The following FSTL1 variants were observed in gnomAD, a reference collection of about 807,000 sequenced individuals.
The protein encoded by FSTL1 is follistatin like 1.
A neutral mutation model predicts 45.9 loss-of-function variants in FSTL1; 24 were observed. That is an observed-to-expected ratio of 0.52 (90% confidence interval 0.38 to 0.74). The LOEUF is 0.74. FSTL1 is among the 30% of genes least tolerant of loss of function. The pLI, the probability that FSTL1 is intolerant of heterozygous loss-of-function variation, is 0.00. For synonymous variants in FSTL1, 120 were observed against 137.6 expected (o/e 0.87, Z 0.89); for missense variants, 340 against 381.8 (o/e 0.89, Z 0.91).
At chr3:120,422,627 A>G (rs1559740060) in intron 2 of FSTL1, among the ~76,000 whole-genome samples, 1 of 152,204 alleles carries the variant, frequency 6.6e-6, no homozygotes, top group Admixed American at 6.5e-5. Flanking sequence ...ACATCCAGAT[A>G]AGAGATATAT....
At position 120,437,564 on chromosome 3, in the gene FSTL1, CTATT is replaced by C. The variant is rs1937584021; in HGVS notation, c.63+13116_63+13119del. Among the ~76,000 whole-genome samples, 5 of 152,242 alleles carry C rather than the reference CTATT, an allele frequency of 3.3e-5. No homozygotes were observed. The East Asian group carries it at 9.7e-4, about 29-fold the overall frequency. ...CTAGTGGTGAAATTTAAGTCAGTGT[CTATT>C]TGTGTGTGTGTGTGCATGTCTCCTT... On this transcript the variant is annotated intron_variant, in intron 2 of 10. Coordinates refer to ENST00000295633, the MANE Select transcript of FSTL1 (RefSeq NM_007085.5).
At chr3:120,426,598 C>T (rs1937383894) in intron 2 of FSTL1, among the ~76,000 whole-genome samples, 2 of 152,092 alleles carry the variant, frequency 1.3e-5, no homozygotes, top group South Asian at 4.2e-4. Context: ...TGCTTGCTTC[C>T]CTGAGCTGGA....
chr3:120,400,265 C>T (rs2107648965), intron 9 of FSTL1, among the ~76,000 whole-genome samples: 1 of 152,328 alleles, frequency 6.6e-6, no homozygotes, highest in Non-Finnish European at 1.5e-5. Context: ...TGGATCCTGA[C>T]ACTGGAGATT....
chr3:120,439,516 G>A (rs1312785537), intron 2 of FSTL1, among the ~76,000 whole-genome samples: 1 of 152,198 alleles, frequency 6.6e-6, no homozygotes, highest in African/African-American at 2.4e-5. Context: ...GAGTCTAAAT[G>A]AAATCAACTT....
At chr3:120,414,224 GTC>G (rs1293082665) in intron 3 of FSTL1, among the ~76,000 whole-genome samples, 2 of 152,160 alleles carry the variant, frequency 1.3e-5, no homozygotes, top group East Asian at 1.9e-4. Context: ...AGTGAGGAGC[GTC>G]TCTGCCTGGC....
Position 120,392,623 on chromosome 3 carries a change from G to C in FSTL1, c.*4329C>G, listed in dbSNP as rs990024953. 2.6e-5 allele frequency: 4 copies of C among 152,126 alleles called. No individual in the cohort carries two copies. The highest frequency in any genetic ancestry group is 9.7e-5 in the African/African-American group (4 of 41,416). 9.4% of individuals were successfully genotyped at this position (152,126 alleles called of 1,614,324 possible). On this transcript the variant is annotated 3_prime_UTR_variant, in exon 11 of 11. Transcript: ENST00000295633. ...TTTCAGTAAAAAAGTTAAATCATTA[G>C]GAAAACATTAATTCTCATTGACAGG...
rs751235378 is a variant in FSTL1 at position 120,404,861 on chromosome 3, CTTG to C, written c.570_572del (p.Asn190del). 9.2e-6 allele frequency: 14 copies of C among 1,515,770 alleles called. No homozygotes were observed. The highest frequency in any genetic ancestry group is 1.7e-4 in the Middle Eastern group (1 of 5,936). 93.9% of individuals were successfully genotyped at this position (1,515,770 alleles called of 1,614,324 possible). Reference sequence around the variant, plus strand: ...CTCTCGGTTCCTCTCACCTAAGCAACTTGTTGTTCTCCTGGTCTGGATACGTTG... The same window carrying C: ...CTCTCGGTTCCTCTCACCTAAGCAACTTGTTCTCCTGGTCTGGATACGTTG... On this transcript the variant is annotated inframe_deletion, in exon 7 of 11. Transcript: ENST00000295633.
intron 9 of FSTL1, among the ~76,000 whole-genome samples, chr3:120,400,900 A>G (rs1410413857): frequency 6.6e-6 from 1 of 152,156 alleles, no homozygotes; most frequent in Middle Eastern, 3.2e-3. Flanking sequence ...ACCCACATAG[A>G]GTTCTGGACT....
chr3:120,428,854 T>C (rs2107665049), intron 2 of FSTL1, among the ~76,000 whole-genome samples: 1 of 152,350 alleles, frequency 6.6e-6, no homozygotes, highest in Non-Finnish European at 1.5e-5. Context: ...CTGGCAATTA[T>C]TCTCTAGCCT....
At chr3:120,438,050 T>A (rs980800828) in intron 2 of FSTL1, among the ~76,000 whole-genome samples, 14 of 152,104 alleles carry the variant, frequency 9.2e-5, no homozygotes, top group African/African-American at 2.9e-4. Flanking sequence ...GGCAACATGA[T>A]GAGAAAGTAA....
rs1438577588 is a variant in FSTL1, at chr3:120,396,901, C to A, written c.*51G>T. 1 of 1,329,662 alleles carries A rather than the reference C, an allele frequency of 7.5e-7. No homozygotes were observed. Among genetic ancestry groups the A allele is most frequent in the South Asian group, 1.2e-5 (1 of 85,250 alleles). 82.4% of individuals were successfully genotyped at this position (1,329,662 alleles called of 1,614,324 possible). A position where few individuals can be genotyped will look rare whatever the true frequency, so the allele number is the denominator to read the frequency against. ...AGACACTTGTGTATACTGAACTCAG[C>A]GCTGAAGTGGAGAAGATGCTGGGAT... On this transcript the variant is annotated 3_prime_UTR_variant, in exon 11 of 11. Coordinates refer to ENST00000295633, the MANE Select transcript of FSTL1 (RefSeq NM_007085.5).
intron 2 of FSTL1, among the ~76,000 whole-genome samples, chr3:120,426,153 A>G (rs1338675113): frequency 6.6e-6 from 1 of 152,070 alleles, no homozygotes; most frequent in African/African-American, 2.4e-5. Flanking sequence ...TGGTTGATCA[A>G]AAGTTTAAAA....
intron 2 of FSTL1, among the ~76,000 whole-genome samples, chr3:120,416,436 A>G (rs80021003): frequency 6.6e-6 from 1 of 152,324 alleles, no homozygotes; most frequent in East Asian, 1.9e-4. Flanking sequence ...ACATTTGGAA[A>G]ACAACACAGG....
intron 6 of FSTL1, 77 bp from the exon 7 acceptor site, chr3:120,405,048 T>C: frequency 1.3e-6 from 1 of 796,962 alleles, no homozygotes. Flanking sequence ...TCAGCTGACC[T>C]GCCTCTGATT....
At chr3:120,423,109 T>C (rs1173102147) in intron 2 of FSTL1, 2 of 152,346 alleles carry the variant, frequency 1.3e-5, no homozygotes, top group Admixed American at 1.3e-4. Flanking sequence ...GCCTGGAAAT[T>C]ACTATATTCA....
At chr3:120,431,573 A>C (rs570368951) in intron 2 of FSTL1, among the ~76,000 whole-genome samples, 4 of 152,308 alleles carry the variant, frequency 2.6e-5, no homozygotes, top group African/African-American at 9.6e-5. Flanking sequence ...CTGTTATCCC[A>C]GCACTTTGGG....
chr3:120,414,414 G>A (rs1937147732), intron 3 of FSTL1, among the ~76,000 whole-genome samples: 1 of 152,164 alleles, frequency 6.6e-6, no homozygotes, highest in African/African-American at 2.4e-5. Flanking sequence ...TGAGATGTGG[G>A]GAGCGCCTCT....
intron 10 of FSTL1, among the ~76,000 whole-genome samples, chr3:120,399,355 C>A (rs150084062): frequency 1.3e-5 from 2 of 152,198 alleles, no homozygotes; most frequent in African/African-American, 4.8e-5. Flanking sequence ...GGGAAGGAGA[C>A]TCTTTGTTAA....
At chr3:120,416,053 C>T in intron 2 of FSTL1, 26 bp from the exon 3 acceptor site, 1 of 1,479,744 alleles carries the variant, frequency 6.8e-7, no homozygotes, top group Non-Finnish European at 9.5e-7. Flanking sequence ...ATAAAGGAAA[C>T]CGTGTGACTG....
Sources: allele counts gnomAD v4.1 joint callset (sites outside exome capture counted in the v4.1 genomes callset), GRCh38; gene constraint gnomAD v4.1.1; transcripts MANE v1.5; gene names NCBI Gene and HGNC (gene_info 2026-07-23, HGNC 2026-07-21).